Variants in ZNF292 observed in about 807,000 individuals in gnomAD.
The protein encoded by ZNF292 is 16 zinc-finger domain protein.
Under a neutral mutation model 217.9 loss-of-function variants are expected in ZNF292, and 26 were observed. That is an observed-to-expected ratio of 0.12 (90% CI 0.09 to 0.17). ZNF292 has a LOEUF of 0.17. Ranked by LOEUF, ZNF292 falls within the 10% of genes least tolerant of loss-of-function variation. ZNF292 has a pLI of 1.00. For synonymous variants in ZNF292, 1,257 were observed against 1,124.1 expected, an observed-to-expected ratio of 1.12 and a Z score of -2.37; for missense variants, 2,904 against 3,175.2, an observed-to-expected ratio of 0.91 and a Z score of 2.05.
chr6:87,235,791 T>C (rs1047700296), intron 5 of ZNF292, among the ~76,000 whole-genome samples: 1 of 152,070 alleles, frequency 6.6e-6, no homozygotes, highest in African/African-American at 2.4e-5. Context: ...GAATTAAGAC[T>C]TTTCATGTTC....
intron 5 of ZNF292, among the ~76,000 whole-genome samples, chr6:87,238,554 AATAG>A (rs1350454723): frequency 2.0e-5 from 3 of 150,938 alleles, no homozygotes; most frequent in African/African-American, 7.3e-5. Flanking sequence ...CCTTATACAT[AATAG>A]ATAAATTTGG....
At chr6:87,173,380 T>C (rs1438501082) in intron 1 of ZNF292, 1 of 153,072 alleles carries the variant, frequency 6.5e-6, no homozygotes, top group Non-Finnish European at 1.5e-5. Context: ...ATTTTCTGTT[T>C]AGGCGAGCAT....
chr6:87,219,010 G>T (rs1374466595), intron 4 of ZNF292, among the ~76,000 whole-genome samples: 1 of 152,126 alleles, frequency 6.6e-6, no homozygotes, highest in Non-Finnish European at 1.5e-5. Flanking sequence ...TGGCAATCCA[G>T]TTTATATTTG....
At chr6:87,254,612 G>T (rs201888090) in intron 7 of ZNF292, 38 bp from the exon 8 acceptor site, 1 of 1,516,580 alleles carries the variant, frequency 6.6e-7, no homozygotes, top group South Asian at 1.3e-5. Flanking sequence ...GTTGATTAGT[G>T]TAGATTAAAT....
chr6:87,260,145 T>C lies in ZNF292; in HGVS notation c.6516T>C (p.Phe2172=). Residue 2172 remains phenylalanine, a synonymous_variant, in exon 8 of 8, where the codon TTT becomes TTC. Transcript: ENST00000369577. Reference sequence around the variant, plus strand: ...AAACTAAACAAACTTTGAAAGAATTTCGATGTCAGGTAAGTGACTGTTCTC... The same window carrying C: ...AAACTAAACAAACTTTGAAAGAATTCCGATGTCAGGTAAGTGACTGTTCTC... The part of the protein sequence containing the change: ...ETETKQTLKE[F]RCQVSDCSRI... The C allele has an allele frequency of 1.2e-6, 2 of 1,613,342 alleles. No homozygotes were observed. Among genetic ancestry groups the C allele is most frequent in the Non-Finnish European group, 1.7e-6 (2 of 1,179,484 alleles).
rs370354878 is a variant in ZNF292 at position 87,160,053 on chromosome 6, A to AT, written c.168+4296dup. Among the ~76,000 whole-genome samples, 493 of 152,350 alleles carry AT rather than the reference A, an allele frequency of 3.2e-3. 1 individual carries two copies. The highest frequency in any genetic ancestry group is 0.011 in the African/African-American group (475 of 41,582). Reference sequence around the variant, plus strand: ...TATTAGACTGGGCCAGTAGTCACTCATTCAACATTTCTATTGAACATCTAC... The same window carrying AT: ...TATTAGACTGGGCCAGTAGTCACTCATTTCAACATTTCTATTGAACATCTAC... On this transcript the variant is annotated intron_variant, in intron 1 of 7. Transcript: ENST00000369577.
intron 1 of ZNF292, among the ~76,000 whole-genome samples, chr6:87,189,163 C>G: frequency 6.6e-6 from 1 of 151,898 alleles, no homozygotes; most frequent in East Asian, 1.9e-4. Flanking sequence ...TGAGATCGCA[C>G]CACTGCACTT....
chr6:87,221,248 A>G (rs1773069752), intron 4 of ZNF292, among the ~76,000 whole-genome samples: 1 of 152,204 alleles, frequency 6.6e-6, no homozygotes, highest in African/African-American at 2.4e-5. Context: ...AACTAAACCA[A>G]TACAAGTCAA....
At chr6:87,245,985 C>T (rs1774558610) in intron 7 of ZNF292, among the ~76,000 whole-genome samples, 1 of 152,202 alleles carries the variant, frequency 6.6e-6, no homozygotes, top group South Asian at 2.1e-4. Context: ...GTAATCCCAG[C>T]ACTTTGGGAG....
intron 1 of ZNF292, among the ~76,000 whole-genome samples, chr6:87,167,946 T>C (rs567125556): frequency 6.6e-6 from 1 of 152,334 alleles, no homozygotes; most frequent in East Asian, 1.9e-4. Context: ...AGCTTCTGCA[T>C]TGTCTTTGGT....
At chr6:87,190,431 C>T (rs1351603399) in intron 1 of ZNF292, among the ~76,000 whole-genome samples, 1 of 151,972 alleles carries the variant, frequency 6.6e-6, no homozygotes, top group East Asian at 1.9e-4. Context: ...AGTTGTTAGG[C>T]CAGTGAATAT....
At chr6:87,224,670 T>G (rs545987508) in intron 4 of ZNF292, among the ~76,000 whole-genome samples, 1 of 152,236 alleles carries the variant, frequency 6.6e-6, no homozygotes, top group African/African-American at 2.4e-5. Flanking sequence ...TCATTCCTTT[T>G]TATCACTAAA....
intron 4 of ZNF292, among the ~76,000 whole-genome samples, chr6:87,224,493 T>G (rs938239538): frequency 6.6e-6 from 1 of 152,012 alleles, no homozygotes; most frequent in Non-Finnish European, 1.5e-5. Context: ...TATCCAGCCT[T>G]CTCCCAAACA....
chr6:87,182,711 A>G (rs1197899406), intron 1 of ZNF292, among the ~76,000 whole-genome samples: 1 of 152,222 alleles, frequency 6.6e-6, no homozygotes, highest in Non-Finnish European at 1.5e-5. Flanking sequence ...CAAATTAACA[A>G]TCATATTATT....
rs1361874993 is a variant in ZNF292, at chr6:87,261,661, A to G, written c.8032A>G (p.Thr2678Ala). Residue 2678 changes from threonine to alanine, a missense_variant, in exon 8 of 8, where the codon ACT (threonine) becomes GCT (alanine). Transcript: ENST00000369577. ...TTTAGACAAGAATCTTAAAGATTGC[A>G]CTGAGCTTGTCTTAAAGCAACTTCA... ...IVLDKNLKDC[T>A]ELVLKQLQEM... The G allele has an allele frequency of 2.5e-6, 4 of 1,612,592 alleles. No homozygotes were observed. The highest frequency in any genetic ancestry group is 2.7e-5 in the African/African-American group (2 of 74,882).
At chr6:87,167,464 A>T (rs1384558933) in intron 1 of ZNF292, among the ~76,000 whole-genome samples, 1 of 152,148 alleles carries the variant, frequency 6.6e-6, no homozygotes, top group Non-Finnish European at 1.5e-5. Context: ...AACATGGTGA[A>T]ACCCCATCTC....
intron 1 of ZNF292, among the ~76,000 whole-genome samples, chr6:87,196,198 G>A (rs1469764375): frequency 6.6e-6 from 1 of 152,106 alleles, no homozygotes; most frequent in Non-Finnish European, 1.5e-5. Context: ...TTCTAAATTT[G>A]TATTAGTTTT....
intron 1 of ZNF292, among the ~76,000 whole-genome samples, chr6:87,164,881 G>A (rs867605574): frequency 3.0e-4 from 45 of 149,076 alleles, no homozygotes; most frequent in Non-Finnish European, 7.4e-5. Flanking sequence ...TTCTGCCTCC[G>A]CCTCCCAAGT....
rs1274546910 is a variant in ZNF292 at position 87,265,548 on chromosome 6, A to C, written c.*3747A>C. Among the ~76,000 whole-genome samples the C allele has an allele frequency of 6.6e-6, 1 of 152,216 alleles. No homozygotes were observed. Among genetic ancestry groups the C allele is most frequent in the Non-Finnish European group, 1.5e-5 (1 of 68,038 alleles). ...CTTAAATAATTTAATGCATGTTTGC[A>C]TATTAAAGACAAAAGTTCTACTGTA... On this transcript the variant is annotated 3_prime_UTR_variant, in exon 8 of 8. Transcript: ENST00000369577.
Sources: allele counts gnomAD v4.1 joint callset (sites outside exome capture counted in the v4.1 genomes callset), GRCh38; gene constraint gnomAD v4.1.1; transcripts MANE v1.5; gene names NCBI Gene and HGNC (gene_info 2026-07-23, HGNC 2026-07-21).